Variants in OOSP4B observed in about 807,000 individuals in gnomAD.
OOSP4B encodes the protein oocyte secreted protein family member 4B.
At chr11:60,019,373 G>T (rs186590311) in intron 1 of OOSP4B, 4 of 172,158 alleles carry the variant, frequency 2.3e-5, no homozygotes, top group East Asian at 3.1e-4. Flanking sequence ...AATTAGCCAG[G>T]TGTAGTGGTG....
rs138712501 is a variant in OOSP4B at position 60,024,264 on chromosome 11, G to A, written c.204+203G>A. Among the ~76,000 whole-genome samples the A allele has an allele frequency of 4.7e-3, 723 of 152,308 alleles. 8 individuals are homozygous for A. Among genetic ancestry groups the A allele is most frequent in the South Asian group, 0.015 (72 of 4,824 alleles). On this transcript the variant is annotated intron_variant, in intron 2 of 4. Transcript: ENST00000642343. ...CTTTAAAAAGGTCATAAGGGGCTGG[G>A]CATGGTGGCTCACACCTGTAATCCC...
chr11:60,029,702 C>G (rs1854785787), intron 3 of OOSP4B, 80 bp from the exon 4 acceptor site: 2 of 396,808 alleles, frequency 5.0e-6, no homozygotes, highest in Non-Finnish European at 4.4e-6. Flanking sequence ...TATAACGAAC[C>G]TATCTAATAC....
intron 1 of OOSP4B, chr11:60,021,729 C>G (rs926320599): frequency 1.3e-5 from 2 of 152,202 alleles, no homozygotes; most frequent in African/African-American, 2.4e-5. Flanking sequence ...CGCCTGTAAT[C>G]CCAGCACTTT....
chr11:60,021,709 C>CCATGGCT (rs1854691812), intron 1 of OOSP4B: 1 of 152,204 alleles, frequency 6.6e-6, no homozygotes. Flanking sequence ...AGGCCGGGTG[C>CCATGGCT]CATGGCTCAC....
chr11:60,024,073 G>T lies in OOSP4B; in HGVS notation c.204+12G>T. 1 of 398,492 alleles carries T rather than the reference G, an allele frequency of 2.5e-6. No homozygotes were observed. The highest frequency in any genetic ancestry group is 4.4e-6 in the Non-Finnish European group (1 of 226,042). 24.7% of individuals were successfully genotyped at this position (398,492 alleles called of 1,614,324 possible). A position where few individuals can be genotyped will look rare whatever the true frequency, so the allele number is the denominator to read the frequency against. ...GGATCAAGAAAATTGTAAGTGCCAT[G>T]ATGCTTTTCCCTAAAACATATACTG... On this transcript the variant is annotated intron_variant, in intron 2 of 4. Coordinates refer to ENST00000642343, the Ensembl canonical transcript of OOSP4B.
chr11:60,023,264 G>A (rs867975160), intron 1 of OOSP4B, among the ~76,000 whole-genome samples: 53 of 152,194 alleles, frequency 3.5e-4, no homozygotes, highest in African/African-American at 1.3e-3. Context: ...AGCACATGAA[G>A]TGTGGCCAAT....
At chr11:60,026,304 T>G (rs920593458) in intron 3 of OOSP4B, among the ~76,000 whole-genome samples, 1 of 152,200 alleles carries the variant, frequency 6.6e-6, no homozygotes, top group East Asian at 1.9e-4. Flanking sequence ...CTGAACTTAA[T>G]TTTTGCATGT....
chr11:60,017,922 T>C (rs569059864), intron 1 of OOSP4B, among the ~76,000 whole-genome samples: 1 of 152,328 alleles, frequency 6.6e-6, no homozygotes, highest in African/African-American at 2.4e-5. Flanking sequence ...AATTGCTTCC[T>C]CTATATACTG....
At chr11:60,030,503 C>A (rs970132086) in intron 4 of OOSP4B, among the ~76,000 whole-genome samples, 1 of 152,058 alleles carries the variant, frequency 6.6e-6, no homozygotes, top group African/African-American at 2.4e-5. Flanking sequence ...AAGCTTTGTT[C>A]TAGAGATCTG....
At chr11:60,023,172 A>T (rs192804363) in intron 1 of OOSP4B, among the ~76,000 whole-genome samples, 1 of 152,212 alleles carries the variant, frequency 6.6e-6, no homozygotes, top group East Asian at 1.9e-4. Context: ...GAAATTAAAT[A>T]ACCAACTAAC....
chr11:60,026,486 T>G (rs1329969711), intron 3 of OOSP4B, among the ~76,000 whole-genome samples: 4 of 152,214 alleles, frequency 2.6e-5, no homozygotes. Context: ...TAATGATCTA[T>G]TTGATCTTTA....
exon 1 of OOSP4B, chr11:60,017,328 C>T: frequency 5.0e-6 from 2 of 398,724 alleles, no homozygotes; most frequent in African/African-American, 2.1e-5. Flanking sequence ...TTTATAAGCA[C>T]TCAAGGAACC....
intron 1 of OOSP4B, 75 bp from the exon 2 acceptor site, chr11:60,023,801 TTGTC>T (rs1217653627): frequency 5.0e-6 from 2 of 397,522 alleles, no homozygotes; most frequent in Non-Finnish European, 8.9e-6. Context: ...TGTGTTATAT[TTGTC>T]TGTCAGCACT....
intron 3 of OOSP4B, among the ~76,000 whole-genome samples, chr11:60,027,278 A>G (rs1480984023): frequency 6.6e-6 from 1 of 152,120 alleles, no homozygotes; most frequent in Non-Finnish European, 1.5e-5. Context: ...ACTGCTTTTT[A>G]GCCTTGGAAT....
chr11:60,020,051 C>T (rs983247852), intron 1 of OOSP4B, among the ~76,000 whole-genome samples: 12 of 152,204 alleles, frequency 7.9e-5, no homozygotes, highest in East Asian at 1.9e-4. Flanking sequence ...CATTCACAAA[C>T]GCTGAGCTAG....
chr11:60,022,743 G>GTT (rs796452763), intron 1 of OOSP4B, among the ~76,000 whole-genome samples: 1 of 146,468 alleles, frequency 6.8e-6, no homozygotes, highest in African/African-American at 2.5e-5. Context: ...TGAAGATGTG[G>GTT]TTTTTTTTTT....
chr11:60,021,218 C>A (rs1280757362), intron 1 of OOSP4B, among the ~76,000 whole-genome samples: 4 of 152,158 alleles, frequency 2.6e-5, no homozygotes, highest in Admixed American at 2.0e-4. Context: ...TATTAAAATG[C>A]AAACCGAGTC....
chr11:60,030,877 A>G (rs1488127620), exon 5 of OOSP4B: 1 of 398,180 alleles, frequency 2.5e-6, no homozygotes, highest in African/African-American at 2.1e-5. Flanking sequence ...GCAAGGGAAC[A>G]AGTGATACAT....
exon 2 of OOSP4B, chr11:60,023,932 G>A (rs911501650): frequency 3.8e-5 from 15 of 398,342 alleles, no homozygotes; most frequent in Non-Finnish European, 5.8e-5. Context: ...TGAAAATAAG[G>A]CCTTTTGATA....
Sources: allele counts gnomAD v4.1 joint callset (sites outside exome capture counted in the v4.1 genomes callset), GRCh38; gene constraint gnomAD v4.1.1; transcripts MANE v1.5; gene names NCBI Gene and HGNC (gene_info 2026-07-23, HGNC 2026-07-21).